The following FOXP1 variants were observed in gnomAD, a reference collection of about 807,000 sequenced individuals.
The protein encoded by FOXP1 is forkhead box protein P1.
FOXP1 carries 15 observed loss-of-function variants against 98.2 expected under a neutral mutation model. The ratio of observed to expected loss-of-function variants is 0.15; its 90% CI spans 0.10 to 0.24. The LOEUF is 0.24. Ranked by LOEUF, FOXP1 falls within the 10% of genes least tolerant of loss-of-function variation. The pLI is 1.00. For missense variants in FOXP1, 633 were observed against 848.5 expected (o/e 0.75, Z 3.15); for synonymous variants, 371 against 314.5 (o/e 1.18, Z -1.90).
rs2045590843 is a variant in FOXP1 at position 71,022,606 on chromosome 3, T to C, written c.870-6953A>G. ...TGTAAATGGAGTGTAACTGTTCCTT[T>C]TACTGAGGGCCAGCACTATTTCCCT... On this transcript the variant is annotated intron_variant, in intron 11 of 20. Coordinates refer to ENST00000649528, the MANE Select transcript of FOXP1 (RefSeq NM_001349338.3). Among the ~76,000 whole-genome samples the C allele has an allele frequency of 3.3e-5, 5 of 152,292 alleles. No individual in the cohort carries two copies. The South Asian group carries it at 1.0e-3, about 32-fold the overall frequency.
chr3:71,393,962 T>C (rs2081212091), intron 3 of FOXP1, among the ~76,000 whole-genome samples: 1 of 152,190 alleles, frequency 6.6e-6, no homozygotes. Context: ...CCCAAAGTGT[T>C]GGGGTTACAG....
chr3:71,293,910 CATTCTCTTAG>C (rs1258755347), intron 5 of FOXP1, among the ~76,000 whole-genome samples: 1 of 152,138 alleles, frequency 6.6e-6, no homozygotes, highest in East Asian at 1.9e-4. Flanking sequence ...TTCAAGCAAC[CATTCTCTTAG>C]ATTTAAAAAT....
chr3:71,381,159 T>C (rs1194388270), intron 3 of FOXP1, among the ~76,000 whole-genome samples: 3 of 151,504 alleles, frequency 2.0e-5, no homozygotes, highest in Admixed American at 2.0e-4. Flanking sequence ...CTCTCTTTTT[T>C]TTTTTTTTTG....
At chr3:71,275,841 T>TTTTTG (rs1233904762) in intron 5 of FOXP1, among the ~76,000 whole-genome samples, 9 of 152,234 alleles carry the variant, frequency 5.9e-5, no homozygotes, top group Admixed American at 2.0e-4. Flanking sequence ...CTTCTTCGTT[T>TTTTTG]TTTTGTTTTG....
intron 3 of FOXP1, among the ~76,000 whole-genome samples, chr3:71,465,960 A>G (rs1296579302): frequency 6.6e-6 from 1 of 152,192 alleles, no homozygotes; most frequent in Admixed American, 6.5e-5. Context: ...GAGGTGGAAC[A>G]GTTTCATCTG....
intron 4 of FOXP1, among the ~76,000 whole-genome samples, chr3:71,345,711 G>A (rs1355664319): frequency 6.6e-6 from 1 of 151,918 alleles, no homozygotes; most frequent in Non-Finnish European, 1.5e-5. Flanking sequence ...TTTTGCTGTT[G>A]TATTTCCTTT....
chr3:71,069,515 T>A (rs1260443045), intron 7 of FOXP1, among the ~76,000 whole-genome samples: 1 of 152,236 alleles, frequency 6.6e-6, no homozygotes, highest in Non-Finnish European at 1.5e-5. Flanking sequence ...AATGGACTGC[T>A]TCTGCCATGG....
intron 7 of FOXP1, among the ~76,000 whole-genome samples, chr3:71,089,374 C>A (rs1021457217): frequency 6.6e-6 from 1 of 152,132 alleles, no homozygotes; most frequent in Non-Finnish European, 1.5e-5. Context: ...GAAGCGGCTC[C>A]CCTAGCCCCA....
At position 70,971,964 on chromosome 3, in the gene FOXP1, C is replaced by G. The variant is rs956440081; in HGVS notation, c.1652+591G>C. 5.9e-6 allele frequency: 8 copies of G among 1,353,536 alleles called. No individual in the cohort carries two copies. In the African/African-American group the frequency reaches 1.2e-4, roughly 20 times the overall value. 83.8% of individuals were successfully genotyped at this position (1,353,536 alleles called of 1,614,324 possible). On this transcript the variant is annotated intron_variant, in intron 18 of 20. Coordinates refer to ENST00000649528, the MANE Select transcript of FOXP1 (RefSeq NM_001349338.3). ...ATGGGATGAGTCAACCATGCAAAGC[C>G]AAAGCAACAGCAGAAAAAAAAAACA...
chr3:70,970,570 C>T (rs2035995282), intron 19 of FOXP1, 166 bp downstream of exon 19: 1 of 679,706 alleles, frequency 1.5e-6, no homozygotes, highest in Non-Finnish European at 2.7e-6. Context: ...AACGCTGAAG[C>T]AGCCCGATGT....
intron 5 of FOXP1, among the ~76,000 whole-genome samples, chr3:71,236,817 G>A (rs1274015356): frequency 1.3e-5 from 2 of 151,526 alleles, no homozygotes; most frequent in South Asian, 2.1e-4. Context: ...AGGCTGCAAT[G>A]AGCCATAATC....
At chr3:71,302,095 G>A (rs376082322) in intron 4 of FOXP1, among the ~76,000 whole-genome samples, 5 of 152,268 alleles carry the variant, frequency 3.3e-5, no homozygotes, top group East Asian at 3.9e-4. Flanking sequence ...GCACATGCAC[G>A]ATTGGCCACT....
At position 71,247,117 on chromosome 3, in the gene FOXP1, A is replaced by T. The variant is rs1198044065; in HGVS notation, c.-11-48725T>A. On this transcript the variant is annotated intron_variant, in intron 5 of 20. Coordinates refer to ENST00000649528, the MANE Select transcript of FOXP1 (RefSeq NM_001349338.3). Reference sequence around the variant, plus strand: ...AGCATCTTAAAAAAAAAATCCATCCAATATTGGGGAAAGTATTGTGCAGAA... The same window carrying T: ...AGCATCTTAAAAAAAAAATCCATCCTATATTGGGGAAAGTATTGTGCAGAA... Among the ~76,000 whole-genome samples, 4 of 152,324 alleles carry T rather than the reference A, an allele frequency of 2.6e-5. No homozygotes were observed. In the East Asian group the frequency reaches 7.7e-4, roughly 29 times the overall value.
chr3:71,547,318 G>A (rs1157021101), intron 2 of FOXP1, among the ~76,000 whole-genome samples: 4 of 152,182 alleles, frequency 2.6e-5, no homozygotes, highest in African/African-American at 9.7e-5. Flanking sequence ...AAACAGTGCA[G>A]GACTAGACAG....
chr3:70,987,928 G>T, intron 14 of FOXP1, 66 bp downstream of exon 14: 1 of 1,450,418 alleles, frequency 6.9e-7, no homozygotes, highest in South Asian at 1.1e-5. Flanking sequence ...TCCATTTGGG[G>T]TGGGGAAGTA....
At chr3:71,363,114 A>G (rs954159672) in intron 3 of FOXP1, among the ~76,000 whole-genome samples, 2 of 150,268 alleles carry the variant, frequency 1.3e-5, no homozygotes, top group Non-Finnish European at 2.9e-5. Context: ...ATCATGATGT[A>G]AATGAATAAC....
At chr3:71,581,095 A>C (rs1425283401) in intron 2 of FOXP1, 1 of 969,430 alleles carries the variant, frequency 1.0e-6, no homozygotes, top group Non-Finnish European at 1.2e-6. Flanking sequence ...GGAAGAAATA[A>C]GTTTCATTTT....
At chr3:71,213,458 T>C (rs556192581) in intron 5 of FOXP1, among the ~76,000 whole-genome samples, 2 of 152,330 alleles carry the variant, frequency 1.3e-5, no homozygotes, top group South Asian at 2.1e-4. Context: ...TTTTTCAAAA[T>C]ACAGAGCTAA....
intron 3 of FOXP1, among the ~76,000 whole-genome samples, chr3:71,374,068 A>T (rs973742825): frequency 6.6e-6 from 1 of 152,244 alleles, no homozygotes; most frequent in African/African-American, 2.4e-5. Context: ...TCTGTTCCAC[A>T]AACTGTTCAA....
Sources: gnomAD v4.1 joint callset for allele counts (sites outside exome capture counted in the v4.1 genomes callset) on GRCh38, gnomAD v4.1.1 for gene constraint, MANE v1.5 for transcripts, NCBI Gene and HGNC (gene_info 2026-07-23, HGNC 2026-07-21) for gene names.